SLC9A3: variants seen among roughly 807,000 people sequenced by gnomAD.
SLC9A3 encodes solute carrier family 9 member A3.
SLC9A3 carries 37 observed loss-of-function variants against 86.8 expected under a neutral mutation model. The observed-to-expected ratio is 0.43, with a 90% CI of 0.33 to 0.56. The LOEUF (loss-of-function observed/expected upper bound fraction) is 0.56, where lower values mean the gene tolerates loss of function less well. Ranked by LOEUF, SLC9A3 falls within the 20% of genes least tolerant of loss-of-function variation. The pLI is 0.06. For synonymous variants in SLC9A3, 581 were observed against 528.3 expected (o/e 1.10, Z -1.37); for missense variants, 1,011 against 1,171.9 (o/e 0.86, Z 2.00).
rs150465275 is a variant in SLC9A3, at chr5:477,394, G to T, written c.1698C>A (p.Asn566Lys). ...LAFIRSPSTDNVVNVDFTPRS... is the reference protein window; with the variant it reads ...LAFIRSPSTDKVVNVDFTPRS... ...GTGGCGTGAAGTCCACGTTGACCAC[G>T]TTGTCGGTGCTGGGGGAGCGGATGA... The change falls in exon 11 of 17, where the codon AAC becomes AAA. Residue 566 changes from asparagine (N) to lysine (K), a missense_variant. By Grantham distance (94) the Asn-to-Lys change is moderately conservative. Transcript: ENST00000264938. The T allele has an allele frequency of 6.2e-7, 1 of 1,613,100 alleles. No individual in the cohort carries two copies. Among genetic ancestry groups the T allele is most frequent in the African/African-American group, 1.3e-5 (1 of 74,912 alleles).
At chr5:488,640 GC>G (rs757917089) in intron 2 of SLC9A3, among the ~76,000 whole-genome samples, 164 bp from the exon 3 acceptor site, 5 of 152,252 alleles carry the variant, frequency 3.3e-5, no homozygotes, top group Non-Finnish European at 5.9e-5. Context: ...CAGACCCCCA[GC>G]CCCCTCCAGG....
chr5:492,404 GTC>G (rs1739815523), intron 1 of SLC9A3, among the ~76,000 whole-genome samples: 1 of 126,604 alleles, frequency 7.9e-6, no homozygotes, highest in African/African-American at 3.0e-5. Flanking sequence ...GGGGAGGGAG[GTC>G]GGGGTGGGAC....
At chr5:521,956 C>G (rs1733894970) in intron 1 of SLC9A3, among the ~76,000 whole-genome samples, 1 of 152,200 alleles carries the variant, frequency 6.6e-6, no homozygotes, top group Non-Finnish European at 1.5e-5. Flanking sequence ...ACCCTGGGGG[C>G]CAATCCGGGC....
intron 10 of SLC9A3, 47 bp downstream of exon 10, chr5:479,789 C>A: frequency 6.2e-7 from 1 of 1,605,176 alleles, no homozygotes; most frequent in Non-Finnish European, 8.5e-7. Flanking sequence ...CAGCCAGTGC[C>A]AGAGCCTGCT....
chr5:514,191 A>G (rs1733656803), intron 1 of SLC9A3, among the ~76,000 whole-genome samples: 1 of 152,278 alleles, frequency 6.6e-6, no homozygotes, highest in African/African-American at 2.4e-5. Context: ...GATTAAAGAC[A>G]GAAACCTGGA....
intron 1 of SLC9A3, among the ~76,000 whole-genome samples, chr5:505,247 G>C (rs1345490238): frequency 8.2e-4 from 3 of 3,652 alleles, no homozygotes; most frequent in Non-Finnish European, 2.4e-3. Flanking sequence ...ACCATGGGGG[G>C]GGGAGAGTGA....
Position 491,763 on chromosome 5 carries a change from A to G in SLC9A3, c.514+6T>C, listed in dbSNP as rs753751211. 197 of 1,524,150 alleles carry G rather than the reference A, an allele frequency of 1.3e-4. No homozygotes were observed. The highest frequency in any genetic ancestry group is 1.6e-4 in the Non-Finnish European group (181 of 1,128,410). The allele number at this position is 1,524,150 out of a possible 1,614,324, so 94.4% of individuals were successfully genotyped here. ...CCCGGCCGGGGCAACAGTGGCGCAG[A>G]CTCACCCATGAGCCCACTGAGGAAG... On this transcript the variant is annotated splice_donor_region_variant and intron_variant, in intron 2 of 16. Transcript: ENST00000264938. The surrounding 1 kb of genome is among the most constrained non-coding windows in gnomAD (Gnocchi z 9.2).
intron 1 of SLC9A3, among the ~76,000 whole-genome samples, chr5:495,025 G>A (rs1214687111): frequency 2.0e-5 from 3 of 152,038 alleles, no homozygotes; most frequent in East Asian, 1.9e-4. Context: ...GTGGCCCCTC[G>A]GTGCCCGCCG....
intron 15 of SLC9A3, chr5:475,356 C>T: frequency 1.6e-6 from 1 of 618,626 alleles, no homozygotes; most frequent in Non-Finnish European, 2.8e-6. Flanking sequence ...ACCCCACCTG[C>T]TCCCTGCCCG....
chr5:490,510 T>C (rs1461805608), intron 2 of SLC9A3, among the ~76,000 whole-genome samples: 4 of 152,154 alleles, frequency 2.6e-5, no homozygotes, highest in Non-Finnish European at 4.4e-5. Context: ...GCGGGGACCA[T>C]TGTGACGTGG....
intron 1 of SLC9A3, among the ~76,000 whole-genome samples, chr5:510,183 G>A (rs1740815955): frequency 6.6e-6 from 1 of 152,234 alleles, no homozygotes; most frequent in African/African-American, 2.4e-5. Flanking sequence ...CTTACTGTGA[G>A]CTCAGAGAGG....
chr5:503,043 G>A (rs118035735), intron 1 of SLC9A3, among the ~76,000 whole-genome samples: 22 of 152,298 alleles, frequency 1.4e-4, no homozygotes, highest in Admixed American at 7.8e-4. Context: ...GCCGGCCCAC[G>A]GGCTGTAGTT....
At chr5:481,013 C>CTGAG (rs1199365068) in intron 9 of SLC9A3, 2 of 152,738 alleles carry the variant, frequency 1.3e-5, no homozygotes, top group African/African-American at 4.8e-5. Flanking sequence ...CCTTAGCCTC[C>CTGAG]TGAGTAGCTG....
intron 1 of SLC9A3, among the ~76,000 whole-genome samples, chr5:523,019 GAAAGA>G (rs1733930172): frequency 6.6e-6 from 1 of 152,180 alleles, no homozygotes; most frequent in African/African-American, 2.4e-5. Context: ...GCGGGGAGCT[GAAAGA>G]CACCAGGGCG....
intron 1 of SLC9A3, among the ~76,000 whole-genome samples, chr5:521,711 G>A (rs189483348): frequency 6.6e-6 from 1 of 152,336 alleles, no homozygotes; most frequent in Admixed American, 6.5e-5. Context: ...AACTGGAGAA[G>A]TTCCCGCTGT....
At position 492,076 on chromosome 5, in the gene SLC9A3, G is replaced by T. The variant is rs115093755; in HGVS notation, c.212-5C>A. On this transcript the variant is annotated splice_polypyrimidine_tract_variant and splice_region_variant and intron_variant, in intron 1 of 16. Transcript: ENST00000264938. The stretch of plus-strand genomic sequence containing the variant: ...CCTTGTGGGACAGGTGGAACCCTGT[G>T]GGGGAAGGGAGGGAGGTCAGGGCCG... 3.1e-3 allele frequency: 4,539 copies of T among 1,487,916 alleles called. 101 individuals carry two copies. In the African/African-American group the frequency reaches 0.05, roughly 16 times the overall value. 92.2% of individuals were successfully genotyped at this position (1,487,916 alleles called of 1,614,324 possible).
intron 4 of SLC9A3, 66 bp from the exon 5 acceptor site, chr5:484,763 G>C: frequency 6.5e-7 from 1 of 1,531,662 alleles, no homozygotes; most frequent in Non-Finnish European, 9.0e-7. Context: ...GGGGCCGCCT[G>C]GTGACCCCGC....
Position 491,681 on chromosome 5 carries a change from G to C in SLC9A3, c.514+88C>G. Reference sequence around the variant, plus strand: ...ACTTACCGCCTGGAGGCCAGGGTGCGGCACCCCGACCTTTCTGAGATGAGG... The same window carrying C: ...ACTTACCGCCTGGAGGCCAGGGTGCCGCACCCCGACCTTTCTGAGATGAGG... On this transcript the variant is annotated intron_variant, in intron 2 of 16. Coordinates refer to ENST00000264938, the MANE Select transcript of SLC9A3 (RefSeq NM_004174.4). The surrounding 1 kb of genome is among the most constrained non-coding windows in gnomAD (Gnocchi z 9.2). 3.2e-6 allele frequency: 4 copies of C among 1,246,922 alleles called. No individual in the cohort carries two copies. Among genetic ancestry groups the C allele is most frequent in the Non-Finnish European group, 4.4e-6 (4 of 916,896 alleles). 77.2% of individuals were successfully genotyped at this position (1,246,922 alleles called of 1,614,324 possible). A position where few individuals can be genotyped will look rare whatever the true frequency, so the allele number is the denominator to read the frequency against.
Position 492,087 on chromosome 5 carries a change from G to A in SLC9A3, c.212-16C>T, listed in dbSNP as rs1484286852. The A allele has an allele frequency of 1.4e-6, 2 of 1,461,680 alleles. No individual in the cohort carries two copies. The highest frequency in any genetic ancestry group is 5.1e-5 in the East Asian group (2 of 39,504). 90.5% of individuals were successfully genotyped at this position (1,461,680 alleles called of 1,614,324 possible). The stretch of plus-strand genomic sequence containing the variant: ...AGGTGGAACCCTGTGGGGGAAGGGA[G>A]GGAGGTCAGGGCCGGGCTGTGAGGG... On this transcript the variant is annotated splice_polypyrimidine_tract_variant and intron_variant, in intron 1 of 16. Transcript: ENST00000264938.
Sources: allele counts gnomAD v4.1 joint callset (sites outside exome capture counted in the v4.1 genomes callset), GRCh38; gene constraint gnomAD v4.1.1; non-coding constraint Gnocchi (gnomAD v3.1); transcripts MANE v1.5; gene names NCBI Gene and HGNC (gene_info 2026-07-23, HGNC 2026-07-21).